GCC2: variants seen among roughly 807,000 people sequenced by gnomAD.
GCC2 encodes the protein GRIP and coiled-coil domain-containing protein 2.
A neutral mutation model predicts 210.6 loss-of-function variants in GCC2; 120 were observed. That is an observed-to-expected ratio of 0.57 (90% confidence interval 0.49 to 0.66). GCC2 has a LOEUF of 0.66. Ranked by LOEUF, GCC2 falls within the 30% of genes least tolerant of loss-of-function variation. The pLI is 0.00. For missense variants in GCC2, 1,868 were observed against 1,871.9 expected, an observed-to-expected ratio of 1.00 and a Z score of 0.04; for synonymous variants, 703 against 652.7, an observed-to-expected ratio of 1.08 and a Z score of -1.17.
intron 3 of GCC2, 143 bp from the exon 4 acceptor site, chr2:108,452,256 T>C (rs1249673559): frequency 3.1e-6 from 2 of 654,524 alleles, no homozygotes; most frequent in African/African-American, 1.8e-5. Flanking sequence ...TAGTGATGAG[T>C]GCAGAGATTA....
At chr2:108,466,449 A>G (rs1244189782) in intron 4 of GCC2, among the ~76,000 whole-genome samples, 1 of 151,400 alleles carries the variant, frequency 6.6e-6, no homozygotes, top group Non-Finnish European at 1.5e-5. Flanking sequence ...ATCTTCTCCC[A>G]GCTTATGGTT....
intron 18 of GCC2, among the ~76,000 whole-genome samples, chr2:108,491,895 A>G (rs555857319): frequency 6.6e-6 from 1 of 152,190 alleles, no homozygotes; most frequent in Non-Finnish European, 1.5e-5. Context: ...TGAGTACATA[A>G]AAATCACATT....
At chr2:108,483,232 T>G in intron 12 of GCC2, 66 bp downstream of exon 12, 1 of 849,904 alleles carries the variant, frequency 1.2e-6, no homozygotes, top group Non-Finnish European at 1.9e-6. Context: ...TTGTTCTGTT[T>G]GTTCTGTTCT....
At chr2:108,461,791 A>G (rs906767627) in intron 4 of GCC2, among the ~76,000 whole-genome samples, 29 of 147,944 alleles carry the variant, frequency 2.0e-4, no homozygotes, top group Non-Finnish European at 1.6e-4. Flanking sequence ...AGCATGAGCC[A>G]CTGTGCCTGG....
At chr2:108,507,226 CACAAAAAAA>C (rs1227517937) in intron 22 of GCC2, among the ~76,000 whole-genome samples, 1 of 123,136 alleles carries the variant, frequency 8.1e-6, no homozygotes, top group Admixed American at 9.6e-5. Flanking sequence ...CCCGCATCTC[CACAAAAAAA>C]ACAAAAAATT....
Position 108,471,646 on chromosome 2 carries a change from G to A in GCC2, c.2317G>A (p.Asp773Asn). 2 of 1,613,366 alleles carry A rather than the reference G, an allele frequency of 1.2e-6. No homozygotes were observed. The highest frequency in any genetic ancestry group is 1.7e-6 in the Non-Finnish European group (2 of 1,179,386). Residue 773 changes from aspartate to asparagine, a missense_variant, in exon 6 of 23, where the codon GAC becomes AAC. Asp to Asn is a conservative substitution (Grantham distance 23, BLOSUM62 1). This residue lies in a region of GCC2 where 1,847 missense variants were observed against 1,765.2 expected (regional missense o/e 1.05). Coordinates refer to ENST00000309863, the MANE Select transcript of GCC2 (RefSeq NM_181453.4). ...LKEMGSEVSE[D>N]SEEKDVVNVL... Reference sequence around the variant, plus strand: ...AGAAATGGGATCAGAAGTTTCAGAAGACAGTGAAGAGAAAGATGTTGTTAA... The same window carrying A: ...AGAAATGGGATCAGAAGTTTCAGAAAACAGTGAAGAGAAAGATGTTGTTAA...
rs1440552153 is a variant in GCC2, at chr2:108,508,941, T to C, written c.*1311T>C. 6.5e-6 allele frequency: 1 copy of C among 152,678 alleles called. No individual in the cohort carries two copies. Among genetic ancestry groups the C allele is most frequent in the East Asian group, 1.9e-4 (1 of 5,200 alleles). The allele number at this position is 152,678 out of a possible 1,614,324, so 9.5% of individuals were successfully genotyped here. On this transcript the variant is annotated 3_prime_UTR_variant, in exon 23 of 23. Transcript: ENST00000309863. ...CTGGAGAACTGGCTTTGCACTTTGG[T>C]TACACAGAACATTGGTTTCCAATTC...
At chr2:108,451,203 GT>G in intron 3 of GCC2, 91 bp downstream of exon 3, 1 of 754,534 alleles carries the variant, frequency 1.3e-6, no homozygotes, top group Non-Finnish European at 2.2e-6. Context: ...GCTTGTTTTT[GT>G]TTGTTTTCCA....
chr2:108,485,971 A>T (rs1447311344), intron 15 of GCC2, 63 bp downstream of exon 15: 9 of 741,216 alleles, frequency 1.2e-5, no homozygotes, highest in Non-Finnish European at 1.8e-5. Context: ...GGTACCATTT[A>T]GAGATTTTAT....
chr2:108,508,993 T>C lies in GCC2; in HGVS notation c.*1363T>C, dbSNP rs912551539. The C allele has an allele frequency of 4.6e-5, 7 of 152,788 alleles. No individual in the cohort carries two copies. The highest frequency in any genetic ancestry group is 8.8e-5 in the Non-Finnish European group (6 of 68,030). The allele number at this position is 152,788 out of a possible 1,614,324, so 9.5% of individuals were successfully genotyped here. A position where few individuals can be genotyped will look rare whatever the true frequency, so the allele number is the denominator to read the frequency against. On this transcript the variant is annotated 3_prime_UTR_variant, in exon 23 of 23. Transcript: ENST00000309863. Reference sequence around the variant, plus strand: ...GTTTAACTGAAATTTGCTGCTGATATGTTGAGTTTGTTCTTTAAAAAATAG... The same window carrying C: ...GTTTAACTGAAATTTGCTGCTGATACGTTGAGTTTGTTCTTTAAAAAATAG...
At chr2:108,482,746 A>G (rs1681934117) in intron 11 of GCC2, among the ~76,000 whole-genome samples, 1 of 151,776 alleles carries the variant, frequency 6.6e-6, no homozygotes, top group African/African-American at 2.4e-5. Flanking sequence ...GCGCAATCTC[A>G]GCTCACTGCA....
In GCC2 at chr2:108,508,936, T is replaced by A. The variant is rs1338043991; in HGVS notation, c.*1306T>A. 6.5e-6 allele frequency: 1 copy of A among 152,676 alleles called. No individual in the cohort carries two copies. Among genetic ancestry groups the A allele is most frequent in the Non-Finnish European group, 1.5e-5 (1 of 68,044 alleles). The allele number at this position is 152,676 out of a possible 1,614,324, so 9.5% of individuals were successfully genotyped here. A position where few individuals can be genotyped will look rare whatever the true frequency, so the allele number is the denominator to read the frequency against. On this transcript the variant is annotated 3_prime_UTR_variant, in exon 23 of 23. Transcript: ENST00000309863. ...CTGAGCTGGAGAACTGGCTTTGCAC[T>A]TTGGTTACACAGAACATTGGTTTCC... is the stretch of plus-strand genomic sequence containing the variant.
chr2:108,486,047 A>C, intron 15 of GCC2, 139 bp downstream of exon 15: 1 of 567,360 alleles, frequency 1.8e-6, no homozygotes, highest in Admixed American at 3.6e-5. Flanking sequence ...ACAATAAATC[A>C]AGTCTGGCAT....
At chr2:108,459,115 T>C (rs1167197693) in intron 4 of GCC2, among the ~76,000 whole-genome samples, 1 of 152,220 alleles carries the variant, frequency 6.6e-6, no homozygotes, top group Non-Finnish European at 1.5e-5. Flanking sequence ...ATACAAAAAA[T>C]CACATAGGTT....
chr2:108,450,801 G>A (rs1316494801), intron 2 of GCC2, among the ~76,000 whole-genome samples: 1 of 152,230 alleles, frequency 6.6e-6, no homozygotes, highest in African/African-American at 2.4e-5. Flanking sequence ...AGAATTGCTT[G>A]AACTTGGGAG....
Position 108,449,708 on chromosome 2 carries a change from T to G in GCC2, c.63+19T>G. 6.2e-7 allele frequency: 1 copy of G among 1,604,570 alleles called. No homozygotes were observed. The highest frequency in any genetic ancestry group is 8.5e-7 in the Non-Finnish European group (1 of 1,171,698). On this transcript the variant is annotated intron_variant, in intron 2 of 22. Transcript: ENST00000309863. ...ATCTAAGGTGAAGAGAATACTTGAA[T>G]AGCGGGCTTCCTGAAGAGTGGAAGG...
rs140310167 is a variant in GCC2, at chr2:108,471,310, C to G, written c.1981C>G (p.Gln661Glu). 15 of 1,611,240 alleles carry G rather than the reference C, an allele frequency of 9.3e-6. No individual in the cohort carries two copies. In the African/African-American group the frequency reaches 2.0e-4, roughly 22 times the overall value. Residue 661 changes from glutamine (Q) to glutamate (E), a missense_variant, in exon 6 of 23, where the codon CAA (glutamine) becomes GAA (glutamate). Around this residue, in one of 3 missense-constraint regions of GCC2, gnomAD observed 1,847 missense variants for 1,765.2 expected, o/e 1.05. Transcript: ENST00000309863. ...GLEETLKEKDQNDQKLEKLMV... is the reference protein window; with the variant it reads ...GLEETLKEKDENDQKLEKLMV... ...AGAGGAGACTTTAAAAGAAAAGGAT[C>G]AAAATGACCAAAAACTAGAAAAACT...
chr2:108,481,644 GAC>G (rs1352789007), intron 9 of GCC2, 51 bp from the exon 10 acceptor site: 7 of 1,417,288 alleles, frequency 4.9e-6, no homozygotes, highest in Non-Finnish European at 4.9e-6. Context: ...GATGAAGTCT[GAC>G]CTGTTGAATG....
chr2:108,470,117 C>T lies in GCC2; in HGVS notation c.788C>T (p.Ala263Val). The change falls in exon 6 of 23, where the codon GCT becomes GTT. Residue 263 changes from alanine to valine, a missense_variant. Physicochemically the swap from Ala to Val is moderately conservative, Grantham distance 64. Transcript: ENST00000309863. The part of the protein sequence containing the change: ...KELMCQIEAS[A>V]KEHEAEINKL... ...TTGATGTGCCAGATTGAAGCATCAG[C>T]TAAGGAACATGAAGCAGAGATAAAT... is the stretch of plus-strand genomic sequence containing the variant. 1 of 1,613,524 alleles carries T rather than the reference C, an allele frequency of 6.2e-7. No homozygotes were observed.
Sources: gnomAD v4.1 joint callset for allele counts (sites outside exome capture counted in the v4.1 genomes callset) on GRCh38, gnomAD v4.1.1 for gene constraint, gnomAD v4.1.1 regional missense constraint, MANE v1.5 for transcripts, NCBI Gene and HGNC (gene_info 2026-07-23, HGNC 2026-07-21) for gene names.